The following LEPR variants were observed in gnomAD, a reference collection of about 807,000 sequenced individuals.
LEPR encodes the protein OB receptor.
A neutral mutation model predicts 114.7 loss-of-function variants in LEPR; 56 were observed. That is an observed-to-expected ratio of 0.49 (90% CI 0.39 to 0.61). The LOEUF (loss-of-function observed/expected upper bound fraction) is 0.61, where lower values mean the gene tolerates loss of function less well. Ranked by LOEUF, LEPR falls within the 20% of genes least tolerant of loss-of-function variation. LEPR has a pLI of 0.00. For synonymous variants in LEPR, 443 were observed against 461.4 expected, an observed-to-expected ratio of 0.96 and a Z score of 0.51; for missense variants, 1,202 against 1,352.9, an observed-to-expected ratio of 0.89 and a Z score of 1.75.
At chr1:65,532,078 C>CT (rs2100623762) in intron 2 of LEPR, among the ~76,000 whole-genome samples, 1 of 152,322 alleles carries the variant, frequency 6.6e-6, no homozygotes, top group Non-Finnish European at 1.5e-5. Context: ...GGTATTATCT[C>CT]ATTAATAGTT....
intron 1 of LEPR, among the ~76,000 whole-genome samples, chr1:65,424,572 C>G (rs1646320704): frequency 6.6e-6 from 1 of 152,148 alleles, no homozygotes; most frequent in African/African-American, 2.4e-5. Context: ...AGACATGGGT[C>G]ATTGTCTTAA....
At chr1:65,539,180 T>A (rs999494156) in intron 2 of LEPR, among the ~76,000 whole-genome samples, 7 of 151,880 alleles carry the variant, frequency 4.6e-5, no homozygotes, top group Non-Finnish European at 7.4e-5. Flanking sequence ...CTCTCATTAT[T>A]CCTTTGTTAT....
chr1:65,438,326 C>A (rs1646594627), intron 2 of LEPR, among the ~76,000 whole-genome samples: 1 of 151,534 alleles, frequency 6.6e-6, no homozygotes, highest in African/African-American at 2.4e-5. Context: ...CCGAGGTGGG[C>A]AGATTACGAG....
At chr1:65,506,543 G>C (rs1648739525) in intron 2 of LEPR, among the ~76,000 whole-genome samples, 1 of 152,194 alleles carries the variant, frequency 6.6e-6, no homozygotes, top group Admixed American at 6.5e-5. Flanking sequence ...CATGTTCACA[G>C]ATCCAGCGCT....
chr1:65,598,624 CT>C, intron 7 of LEPR, 35 bp from the exon 8 acceptor site: 3 of 1,610,610 alleles, frequency 1.9e-6, no homozygotes, highest in Non-Finnish European at 2.5e-6. Flanking sequence ...TCCACATCAA[CT>C]TGATGTTCTG....
At position 65,637,615 on chromosome 1, in the gene LEPR, T is replaced by C. The variant is rs983489563; in HGVS notation, c.*600T>C. The C allele has an allele frequency of 3.3e-5, 5 of 152,326 alleles. No homozygotes were observed. In the South Asian group the frequency reaches 1.0e-3, roughly 32 times the overall value. The allele number at this position is 152,326 out of a possible 1,614,324, so 9.4% of individuals were successfully genotyped here. A position where few individuals can be genotyped will look rare whatever the true frequency, so the allele number is the denominator to read the frequency against. On this transcript the variant is annotated 3_prime_UTR_variant, in exon 20 of 20. Coordinates refer to ENST00000349533, the MANE Select transcript of LEPR (RefSeq NM_002303.6). Reference sequence around the variant, plus strand: ...AATGGTGATGCCCACAATCAGTATTTTGATGACAACACAAGCACTTTTGAA... The same window carrying C: ...AATGGTGATGCCCACAATCAGTATTCTGATGACAACACAAGCACTTTTGAA...
In LEPR at chr1:65,519,224, A is replaced by G. The variant is rs558831847; in HGVS notation, c.-20-46322A>G. On this transcript the variant is annotated intron_variant, in intron 2 of 19. Coordinates refer to ENST00000349533, the MANE Select transcript of LEPR (RefSeq NM_002303.6). ...GAGTGCAGTGGTGTGATCTCAGCCT[A>G]CTGCAACCTCCACCTCCCAGGCTCA... Among the ~76,000 whole-genome samples the G allele has an allele frequency of 2.7e-5, 4 of 148,818 alleles. No individual in the cohort carries two copies. In the South Asian group the frequency reaches 8.5e-4, roughly 32 times the overall value.
In LEPR at chr1:65,605,337, A is replaced by G. The variant is rs930726430; in HGVS notation, c.1603+100A>G. The G allele has an allele frequency of 2.0e-6, 3 of 1,463,684 alleles. No individual in the cohort carries two copies. The African/African-American group carries it at 4.2e-5, about 20-fold the overall frequency. The allele number at this position is 1,463,684 out of a possible 1,614,324, so 90.7% of individuals were successfully genotyped here. ...TTTTGCCATTTTCTGATCACATTAG[A>G]TTTTGAAAAAAAAATTGTTCCTGTT... On this transcript the variant is annotated intron_variant, in intron 11 of 19. Transcript: ENST00000349533.
chr1:65,497,167 A>C, intron 2 of LEPR, among the ~76,000 whole-genome samples: 1 of 152,120 alleles, frequency 6.6e-6, no homozygotes, highest in East Asian at 1.9e-4. Context: ...CTACCCTAAA[A>C]ATTTTCACAT....
Position 65,616,018 on chromosome 1 carries a change from A to G in LEPR, c.2006A>G (p.Lys669Arg). 6.2e-7 allele frequency: 1 copy of G among 1,614,168 alleles called. No homozygotes were observed. Among genetic ancestry groups the G allele is most frequent in the Non-Finnish European group, 8.5e-7 (1 of 1,180,002 alleles). The change falls in exon 15 of 20, where the codon AAA becomes AGA. Residue 669 changes from lysine to arginine, a missense_variant. Transcript: ENST00000349533. ...NVTLLWKPLM[K>R]NDSLCSVQRY... ...CTATATTTACTACAGCCCCTGATGA[A>G]AAATGACTCATTGTGCAGTGTTCAG...
At chr1:65,522,127 G>A (rs147574729) in intron 2 of LEPR, among the ~76,000 whole-genome samples, 103 of 152,178 alleles carry the variant, frequency 6.8e-4, no homozygotes, top group African/African-American at 2.4e-3. Flanking sequence ...TGGCCAAAGC[G>A]AGTCACTGTT....
intron 2 of LEPR, among the ~76,000 whole-genome samples, chr1:65,428,842 A>G (rs926221402): frequency 2.0e-5 from 3 of 151,818 alleles, no homozygotes; most frequent in East Asian, 1.9e-4. Flanking sequence ...TTTTTTTTTT[A>G]TAATTGCAAA....
chr1:65,456,865 C>A (rs1646883384), intron 2 of LEPR, among the ~76,000 whole-genome samples: 1 of 152,030 alleles, frequency 6.6e-6, no homozygotes, highest in Admixed American at 6.6e-5. Flanking sequence ...ATTTGTTGCC[C>A]TTGTTCTTTG....
intron 6 of LEPR, among the ~76,000 whole-genome samples, chr1:65,593,740 C>A (rs1655860713): frequency 6.6e-6 from 1 of 152,032 alleles, no homozygotes; most frequent in South Asian, 2.1e-4. Context: ...TGAAGACTTT[C>A]AAATAATTTG....
chr1:65,455,083 G>A (rs1468845223), intron 2 of LEPR, among the ~76,000 whole-genome samples: 1 of 152,108 alleles, frequency 6.6e-6, no homozygotes, highest in Non-Finnish European at 1.5e-5. Context: ...ATCGGCTCCT[G>A]AGGCTTCTGC....
intron 2 of LEPR, among the ~76,000 whole-genome samples, chr1:65,507,854 A>G (rs1648835063): frequency 6.6e-6 from 1 of 152,158 alleles, no homozygotes; most frequent in Non-Finnish European, 1.5e-5. Context: ...CATACTTGCT[A>G]ATACTTATCT....
At chr1:65,629,400 A>G in intron 19 of LEPR, 1 of 440,866 alleles carries the variant, frequency 2.3e-6, no homozygotes, top group Non-Finnish European at 4.5e-6. Context: ...AAAAACTAAT[A>G]AACTGAATTT....
chr1:65,518,941 CTCTT>C (rs1203447744), intron 2 of LEPR, among the ~76,000 whole-genome samples: 63 of 135,978 alleles, frequency 4.6e-4, no homozygotes, highest in Non-Finnish European at 8.1e-4. Flanking sequence ...TTCTTTCTTT[CTCTT>C]TCTTCTTTCT....
At chr1:65,484,716 G>A (rs959074731) in intron 2 of LEPR, among the ~76,000 whole-genome samples, 6 of 152,144 alleles carry the variant, frequency 3.9e-5, no homozygotes, top group Non-Finnish European at 1.5e-5. Flanking sequence ...AAGGAAAGTT[G>A]TTCCACACCC....
Sources: gnomAD v4.1 joint callset for allele counts (sites outside exome capture counted in the v4.1 genomes callset) on GRCh38, gnomAD v4.1.1 for gene constraint, MANE v1.5 for transcripts, NCBI Gene and HGNC (gene_info 2026-07-23, HGNC 2026-07-21) for gene names.